RNF123: variants seen among roughly 807,000 people sequenced by gnomAD.
RNF123 encodes the protein E3 ubiquitin-protein ligase RNF123.
In RNF123, 86 loss-of-function variants were observed where a neutral mutation model predicts 168.5. The observed-to-expected ratio is 0.51, with a 90% confidence interval of 0.43 to 0.61. The LOEUF (loss-of-function observed/expected upper bound fraction) is 0.61, where lower values mean the gene tolerates loss of function less well. RNF123 is among the 20% of genes least tolerant of loss of function. RNF123 has a pLI of 0.00. For synonymous variants in RNF123, 666 were observed against 689.1 expected (o/e 0.97, Z 0.52); for missense variants, 1,419 against 1,729.7 (o/e 0.82, Z 3.19).
Position 49,721,395 on chromosome 3 carries a change from G to C in RNF123, c.*90G>C. The C allele has an allele frequency of 6.5e-7, 1 of 1,533,186 alleles. No homozygotes were observed. Among genetic ancestry groups the C allele is most frequent in the Non-Finnish European group, 9.0e-7 (1 of 1,107,232 alleles). 95.0% of individuals were successfully genotyped at this position (1,533,186 alleles called of 1,614,324 possible). On this transcript the variant is annotated 3_prime_UTR_variant, in exon 39 of 39. Transcript: ENST00000327697. ...TATGAGCTCCCTTTGCCCTTCTCCTGTATCCCACACCACCACATCCAACCT... is the reference window on the plus strand; with the variant it reads ...TATGAGCTCCCTTTGCCCTTCTCCTCTATCCCACACCACCACATCCAACCT...
chr3:49,717,838 TG>T, intron 35 of RNF123: 6 of 1,192,784 alleles, frequency 5.0e-6, no homozygotes, highest in East Asian at 2.4e-5. Context: ...TACAGGAAGC[TG>T]GGGGGCCAGG....
chr3:49,715,785 G>T (rs771902778), intron 32 of RNF123, 37 bp from the exon 33 acceptor site: 1 of 1,613,914 alleles, frequency 6.2e-7, no homozygotes, highest in Non-Finnish European at 8.5e-7. Context: ...CTAGAGCCAG[G>T]TGCTGACCAC....
chr3:49,691,446 T>C lies in RNF123; in HGVS notation c.104T>C (p.Leu35Pro). 6.2e-7 allele frequency: 1 copy of C among 1,614,204 alleles called. No homozygotes were observed. The change falls in exon 3 of 39, where the codon CTG becomes CCG. Residue 35 changes from leucine to proline, a missense_variant. This residue lies in a region of RNF123 where 318 missense variants were observed against 446.6 expected (regional missense o/e 0.71). Transcript: ENST00000327697. Reference sequence around the variant, plus strand: ...TCAGGCATTGTGCAGGAGAAGCTGCTGAATGACTACCTGAACCGCATCTTT... The same window carrying C: ...TCAGGCATTGTGCAGGAGAAGCTGCCGAATGACTACCTGAACCGCATCTTT... ...RVTGIVQEKL[L>P]NDYLNRIFSS...
chr3:49,719,984 TCTCA>T (rs533775727), intron 35 of RNF123: 98 of 162,614 alleles, frequency 6.0e-4, no homozygotes, highest in African/African-American at 1.8e-3. Flanking sequence ...GCAGGCAGAC[TCTCA>T]CTATCTTAAG....
chr3:49,713,251 C>T, intron 27 of RNF123: 1 of 593,214 alleles, frequency 1.7e-6, no homozygotes, highest in South Asian at 2.0e-5. Context: ...GACTGCTCAT[C>T]AGGTGTGTGT....
intron 26 of RNF123, among the ~76,000 whole-genome samples, chr3:49,709,599 C>A (rs1172569486): frequency 1.7e-4 from 25 of 150,604 alleles, no homozygotes; most frequent in African/African-American, 5.4e-4. Flanking sequence ...CGCGCCTGGC[C>A]TAATTTTGTA....
intron 20 of RNF123, 42 bp from the exon 21 acceptor site, chr3:49,703,385 C>T (rs933753374): frequency 6.5e-7 from 1 of 1,541,928 alleles, no homozygotes; most frequent in East Asian, 2.3e-5. Flanking sequence ...GGTCTTCCTA[C>T]TGGGCCGTGA....
At chr3:49,697,802 T>C (rs2054297877) in intron 5 of RNF123, 83 bp from the exon 6 acceptor site, 1 of 1,544,854 alleles carries the variant, frequency 6.5e-7, no homozygotes, top group Non-Finnish European at 8.9e-7. Flanking sequence ...CAGGGCTGGC[T>C]CAGTTGGGGA....
Position 49,703,447 on chromosome 3 carries a change from G to C in RNF123, c.1771G>C (p.Val591Leu), listed in dbSNP as rs1233813375. ...FSEEAYIPPQ[V>L]FYNGKVDYFD... is the part of the protein sequence containing the mutation. Reference sequence around the variant, plus strand: ...CGCAGAGGCCTACATCCCGCCCCAGGTCTTCTATAATGGCAAGGTGGACTA... The same window carrying C: ...CGCAGAGGCCTACATCCCGCCCCAGCTCTTCTATAATGGCAAGGTGGACTA... The change falls in exon 21 of 39, where the codon GTC becomes CTC. Residue 591 changes from valine to leucine, a missense_variant. Val to Leu is a conservative substitution (Grantham distance 32, BLOSUM62 1). Coordinates refer to ENST00000327697, the MANE Select transcript of RNF123 (RefSeq NM_022064.5). The C allele has an allele frequency of 6.2e-7, 1 of 1,614,070 alleles. No individual in the cohort carries two copies. Among genetic ancestry groups the C allele is most frequent in the Admixed American group, 1.7e-5 (1 of 60,012 alleles).
At chr3:49,717,598 G>T in intron 35 of RNF123, 2 of 348,968 alleles carry the variant, frequency 5.7e-6, no homozygotes, top group South Asian at 6.2e-5. Flanking sequence ...GGCTGTAGAA[G>T]AACACAGCCA....
rs1232712560 is a variant in RNF123, at chr3:49,715,872, G to A, written c.3201G>A (p.Gln1067=). The change falls in exon 33 of 39, where the codon CAG becomes CAA. Residue 1067 remains glutamine (Q), a synonymous_variant. Transcript: ENST00000327697. ...RLERNFVDSR[Q]LKVCATCFDL... Reference sequence around the variant, plus strand: ...AGCGGAACTTTGTGGACAGCCGGCAGCTCAAGGTATGTGCCACCTGCTTTG... The same window carrying A: ...AGCGGAACTTTGTGGACAGCCGGCAACTCAAGGTATGTGCCACCTGCTTTG... 1.2e-6 allele frequency: 2 copies of A among 1,614,096 alleles called. No homozygotes were observed. The highest frequency in any genetic ancestry group is 1.7e-6 in the Non-Finnish European group (2 of 1,180,048).
At position 49,705,121 on chromosome 3, in the gene RNF123, G is replaced by C; in HGVS notation, c.2097G>C (p.Leu699=). 1 of 1,609,798 alleles carries C rather than the reference G, an allele frequency of 6.2e-7. No homozygotes were observed. The highest frequency in any genetic ancestry group is 8.5e-7 in the Non-Finnish European group (1 of 1,178,058). ...GCCTCATGACCCCACGGCGGCCTCT[G>C]AGCACCTCGGAGAAAGTGAAGGTCC... is the stretch of plus-strand genomic sequence containing the variant. ...AVSLMTPRRP[L]STSEKVKVRT... The change falls in exon 23 of 39, where the codon CTG becomes CTC. Residue 699 remains leucine (L), a synonymous_variant. Transcript: ENST00000327697.
Position 49,699,382 on chromosome 3 carries a change from C to T in RNF123, c.765-86C>T. 1 of 1,252,044 alleles carries T rather than the reference C, an allele frequency of 8.0e-7. No individual in the cohort carries two copies. Among genetic ancestry groups the T allele is most frequent in the Middle Eastern group, 2.0e-4 (1 of 5,120 alleles). 77.6% of individuals were successfully genotyped at this position (1,252,044 alleles called of 1,614,324 possible). A position where few individuals can be genotyped will look rare whatever the true frequency, so the allele number is the denominator to read the frequency against. On this transcript the variant is annotated intron_variant, in intron 10 of 38. Transcript: ENST00000327697. The surrounding 1 kb of genome is among the most constrained non-coding windows in gnomAD (Gnocchi z 4.8). The stretch of plus-strand genomic sequence containing the variant: ...TGCAAACCAGCCCTGCCCTAGAGCC[C>T]AGGCCCCGGGGTGGGGGGTGGGCAG...
intron 34 of RNF123, 43 bp from the exon 35 acceptor site, chr3:49,716,350 G>T: frequency 6.3e-7 from 1 of 1,596,424 alleles, no homozygotes; most frequent in Non-Finnish European, 8.6e-7. Context: ...CCTTGAAGCA[G>T]GAGCATGTGG....
chr3:49,712,410 C>T, intron 26 of RNF123, 69 bp from the exon 27 acceptor site: 1 of 1,526,606 alleles, frequency 6.6e-7, no homozygotes, highest in Non-Finnish European at 9.0e-7. Context: ...TTCCTGATCC[C>T]CAGGCCAGGA....
Position 49,712,385 on chromosome 3 carries a change from G to A in RNF123, c.2497-94G>A. ...TCCAGGTCTCAGTTGTGCTGTCGTA[G>A]GCCTGGGGAGGCCTTTCCTGATCCC... On this transcript the variant is annotated intron_variant, in intron 26 of 38. Transcript: ENST00000327697. The A allele has an allele frequency of 4.9e-6, 6 of 1,221,086 alleles. No individual in the cohort carries two copies. The South Asian group carries it at 8.1e-5, about 17-fold the overall frequency. The allele number at this position is 1,221,086 out of a possible 1,614,324, so 75.6% of individuals were successfully genotyped here.
At position 49,720,561 on chromosome 3, in the gene RNF123, G is replaced by A. The variant is rs769239848; in HGVS notation, c.3551G>A (p.Arg1184His). 26 of 1,611,154 alleles carry A rather than the reference G, an allele frequency of 1.6e-5. No individual in the cohort carries two copies. The highest frequency in any genetic ancestry group is 2.7e-5 in the African/African-American group (2 of 74,854). ...CTGGCAGATCCCTGCTTCCAGCTAC[G>A]CTCAATATGCTATCTCCTGGGACAG... is the stretch of plus-strand genomic sequence containing the variant. ...VLLADPCFQL[R>H]SICYLLGQPE... is the part of the protein sequence containing the mutation. The change falls in exon 36 of 39, where the codon CGC becomes CAC. Residue 1184 changes from arginine (R) to histidine (H), a missense_variant. Coordinates refer to ENST00000327697, the MANE Select transcript of RNF123 (RefSeq NM_022064.5).
intron 3 of RNF123, 174 bp from the exon 4 acceptor site, chr3:49,696,969 T>G (rs2054281516): frequency 9.2e-6 from 6 of 655,534 alleles, no homozygotes; most frequent in Non-Finnish European, 1.7e-5. Context: ...CTTTTGAGTT[T>G]AGTGGAGAAT....
chr3:49,713,192 G>A (rs1395688292), intron 27 of RNF123: 3 of 591,662 alleles, frequency 5.1e-6, no homozygotes, highest in Non-Finnish European at 9.0e-6. Flanking sequence ...ACAGGCCTCA[G>A]TGCAGGCTTT....
Sources: allele counts gnomAD v4.1 joint callset (sites outside exome capture counted in the v4.1 genomes callset), GRCh38; gene constraint gnomAD v4.1.1; regional missense constraint gnomAD v4.1.1; non-coding constraint Gnocchi (gnomAD v3.1); transcripts MANE v1.5; gene names NCBI Gene and HGNC (gene_info 2026-07-23, HGNC 2026-07-21).